The following SORCS1 variants were observed in gnomAD, a reference collection of about 807,000 sequenced individuals.
The protein encoded by SORCS1 is VPS10 domain-containing receptor SorCS1.
In SORCS1, 60 loss-of-function variants were observed where a neutral mutation model predicts 146.1. That is an observed-to-expected ratio of 0.41 (90% CI 0.33 to 0.51). SORCS1 has a LOEUF of 0.51. Among genes scored for constraint, SORCS1 ranks in the 20% least tolerant of loss-of-function variants. The probability of loss-of-function intolerance (pLI) is 0.21; values close to 1 mark genes in which losing one functional copy is unlikely to be tolerated. For missense variants in SORCS1, 1,352 were observed against 1,487.6 expected (o/e 0.91, Z 1.50); for synonymous variants, 637 against 584.0 (o/e 1.09, Z -1.31).
chr10:107,023,346 C>T lies in SORCS1; in HGVS notation c.559-66766G>A, dbSNP rs1207624862. 2.6e-5 allele frequency among the ~76,000 whole-genome samples: 4 copies of T among 152,184 alleles called. No individual in the cohort carries two copies. The South Asian group carries it at 6.2e-4, about 24-fold the overall frequency. On this transcript the variant is annotated intron_variant, in intron 1 of 25. Coordinates refer to ENST00000263054, the MANE Select transcript of SORCS1 (RefSeq NM_052918.5). ...TCTCCCTCTCAGGCTAATAACTTTT[C>T]TTTCATTTTTCTGCCACTCTGTCCC...
intron 2 of SORCS1, among the ~76,000 whole-genome samples, chr10:106,850,923 T>C (rs1424043253): frequency 2.0e-5 from 3 of 152,198 alleles, no homozygotes; most frequent in Admixed American, 6.5e-5. Context: ...CACTATCTTC[T>C]AGCCAATTGC....
chr10:106,840,475 T>C (rs1052913385), intron 2 of SORCS1, among the ~76,000 whole-genome samples: 1 of 144,116 alleles, frequency 6.9e-6, no homozygotes, highest in African/African-American at 2.7e-5. Context: ...AAGCAAAGAA[T>C]GTGGTTTCCT....
chr10:107,146,670 T>C (rs1968357141), intron 1 of SORCS1, among the ~76,000 whole-genome samples: 2 of 152,166 alleles, frequency 1.3e-5, no homozygotes, highest in Admixed American at 1.3e-4. Context: ...CAGTAGAATA[T>C]AGTGGTTAAG....
intron 2 of SORCS1, among the ~76,000 whole-genome samples, chr10:106,912,128 A>G (rs1332131848): frequency 6.6e-6 from 1 of 150,632 alleles, no homozygotes; most frequent in African/African-American, 2.5e-5. Context: ...AAAAAAACAA[A>G]CAAACAAACA....
intron 2 of SORCS1, among the ~76,000 whole-genome samples, chr10:106,925,762 CAACA>C (rs765786753): frequency 6.6e-6 from 1 of 152,126 alleles, no homozygotes; most frequent in Non-Finnish European, 1.5e-5. Context: ...CAAAACAACA[CAACA>C]GAGAACAATT....
chr10:106,646,891 G>T (rs1311735647), intron 18 of SORCS1, among the ~76,000 whole-genome samples: 2 of 150,976 alleles, frequency 1.3e-5, no homozygotes, highest in African/African-American at 4.9e-5. Context: ...TAAAGTGGGT[G>T]GGTGTGTGTC....
intron 1 of SORCS1, among the ~76,000 whole-genome samples, chr10:107,014,146 G>C (rs1029276459): frequency 1.3e-5 from 2 of 151,934 alleles, no homozygotes; most frequent in Non-Finnish European, 2.9e-5. Context: ...CAGCTACTTG[G>C]GTGGCTGAGG....
chr10:106,958,496 T>C (rs570489658), intron 1 of SORCS1, among the ~76,000 whole-genome samples: 38 of 152,320 alleles, frequency 2.5e-4, no homozygotes, highest in African/African-American at 8.9e-4. Context: ...GAACACATTC[T>C]TAACTTTTTA....
chr10:107,121,623 A>G (rs59853207), intron 1 of SORCS1, among the ~76,000 whole-genome samples: 1,858 of 152,332 alleles, frequency 0.012, 36 homozygotes, highest in African/African-American at 0.042. Context: ...ACAGTAAAAA[A>G]AAAAAATCAC....
chr10:106,891,501 A>ATTATTTTTTTTTTTTTT (rs562213104), intron 2 of SORCS1, among the ~76,000 whole-genome samples: 1 of 74,116 alleles, frequency 1.3e-5, no homozygotes, highest in Admixed American at 1.1e-4. Context: ...TTCAATGGGA[A>ATTATTTTTTTTTTTTTT]TTCTTTTTTT....
intron 1 of SORCS1, among the ~76,000 whole-genome samples, chr10:107,037,083 TA>T (rs1314901506): frequency 6.6e-6 from 1 of 152,078 alleles, no homozygotes; most frequent in East Asian, 1.9e-4. Flanking sequence ...CCTGCTCTAT[TA>T]AAAATACAAA....
intron 8 of SORCS1, among the ~76,000 whole-genome samples, chr10:106,706,189 G>A (rs974930663): frequency 2.4e-5 from 1 of 42,464 alleles, no homozygotes; most frequent in Non-Finnish European, 5.4e-5. Context: ...CTCAGAGACA[G>A]AGAAGAAAGA....
intron 18 of SORCS1, among the ~76,000 whole-genome samples, chr10:106,637,958 C>A (rs1848825073): frequency 6.6e-6 from 1 of 152,178 alleles, no homozygotes; most frequent in African/African-American, 2.4e-5. Context: ...GTTTAAAATG[C>A]AACAGAATAC....
Position 106,577,388 on chromosome 10 carries a change from A to T in SORCS1, c.*32T>A. The T allele has an allele frequency of 6.2e-7, 1 of 1,613,686 alleles. No individual in the cohort carries two copies. The highest frequency in any genetic ancestry group is 8.5e-7 in the Non-Finnish European group (1 of 1,179,642). On this transcript the variant is annotated 3_prime_UTR_variant, in exon 26 of 26. Transcript: ENST00000263054. ...ACAAGAGCGAAATTCTTTCCTGATC[A>T]GCAGGTCGCCTGTAGCCTTTGGGGG...
chr10:106,665,249 C>T (rs1408431881), intron 17 of SORCS1, among the ~76,000 whole-genome samples: 1 of 152,008 alleles, frequency 6.6e-6, no homozygotes, highest in African/African-American at 2.4e-5. Context: ...AAGTCTCACC[C>T]CCTCAAGTGG....
At chr10:106,721,541 T>A (rs563402629) in intron 6 of SORCS1, among the ~76,000 whole-genome samples, 4 of 152,244 alleles carry the variant, frequency 2.6e-5, no homozygotes, top group African/African-American at 9.6e-5. Flanking sequence ...AATAAGGATA[T>A]GCCTTTTTAA....
chr10:107,027,177 T>A (rs1011288271), intron 1 of SORCS1, among the ~76,000 whole-genome samples: 4 of 151,740 alleles, frequency 2.6e-5, no homozygotes, highest in Non-Finnish European at 5.9e-5. Context: ...GTTATGTGAT[T>A]CGTAAAATAT....
At chr10:106,772,680 CT>C (rs910057711) in intron 4 of SORCS1, among the ~76,000 whole-genome samples, 2 of 152,118 alleles carry the variant, frequency 1.3e-5, no homozygotes, top group Non-Finnish European at 2.9e-5. Flanking sequence ...TTAAAACCAC[CT>C]TTTAAAATCT....
At chr10:106,736,304 G>T (rs1053998962) in intron 5 of SORCS1, among the ~76,000 whole-genome samples, 3 of 152,190 alleles carry the variant, frequency 2.0e-5, no homozygotes, top group Admixed American at 6.5e-5. Context: ...ATCATGATGG[G>T]ATAGCACCTA....
Sources: gnomAD v4.1 joint callset for allele counts (sites outside exome capture counted in the v4.1 genomes callset) on GRCh38, gnomAD v4.1.1 for gene constraint, MANE v1.5 for transcripts, NCBI Gene and HGNC (gene_info 2026-07-23, HGNC 2026-07-21) for gene names.